The following KIF21A variants were observed in gnomAD, a reference collection of about 807,000 sequenced individuals.
The protein encoded by KIF21A is kinesin-like protein KIF21A.
A neutral mutation model predicts 202.9 loss-of-function variants in KIF21A; 114 were observed. The ratio of observed to expected loss-of-function variants is 0.56; its 90% CI spans 0.48 to 0.66. The LOEUF (loss-of-function observed/expected upper bound fraction) is 0.66, where lower values mean the gene tolerates loss of function less well. Among genes scored for constraint, KIF21A ranks in the 30% least tolerant of loss-of-function variants. The pLI, the probability that KIF21A is intolerant of heterozygous loss-of-function variation, is 0.00. For missense variants in KIF21A, 1,677 were observed against 1,994.9 expected, an observed-to-expected ratio of 0.84 and a Z score of 3.04; for synonymous variants, 667 against 670.8, an observed-to-expected ratio of 0.99 and a Z score of 0.09.
intron 29 of KIF21A, among the ~76,000 whole-genome samples, chr12:39,316,699 T>C (rs139512618): frequency 5.9e-5 from 9 of 152,106 alleles, no homozygotes; most frequent in Admixed American, 2.0e-4. Flanking sequence ...CCTGAAACAA[T>C]GTGGGAGATC....
chr12:39,340,863 A>T (rs1947384603), intron 15 of KIF21A, 43 bp downstream of exon 15: 2 of 1,371,456 alleles, frequency 1.5e-6, no homozygotes, highest in South Asian at 2.4e-5. Context: ...CCCATTTTGA[A>T]GATTTAGCTT....
intron 31 of KIF21A, chr12:39,312,872 G>T (rs888292810): frequency 6.6e-6 from 1 of 151,842 alleles, no homozygotes; most frequent in Admixed American, 6.6e-5. Flanking sequence ...AATGAATTAA[G>T]ACATGACAAA....
intron 28 of KIF21A, among the ~76,000 whole-genome samples, chr12:39,318,461 C>A (rs1457972852): frequency 6.6e-6 from 1 of 152,160 alleles, no homozygotes; most frequent in East Asian, 1.9e-4. Context: ...ATAAAGCAAG[C>A]CACATTTAAA....
In KIF21A at chr12:39,395,836, C is replaced by G. The variant is rs553806793; in HGVS notation, c.45-25575G>C. 6.3e-5 allele frequency among the ~76,000 whole-genome samples: 9 copies of G among 141,846 alleles called. No homozygotes were observed. In the East Asian group the frequency reaches 1.9e-3, roughly 30 times the overall value. 93.1% of individuals were successfully genotyped at this position (141,846 alleles called of 152,430 possible). On this transcript the variant is annotated intron_variant, in intron 1 of 37. Coordinates refer to ENST00000361418, the MANE Select transcript of KIF21A (RefSeq NM_001173464.2). ...CAGCCTGGGTGACGAGAGCGAGACT[C>G]CGTCTCAAAAAAAAAAAAAAAAAGA...
At chr12:39,335,018 A>C (rs1003431964) in intron 17 of KIF21A, among the ~76,000 whole-genome samples, 1 of 152,234 alleles carries the variant, frequency 6.6e-6, no homozygotes, top group Non-Finnish European at 1.5e-5. Flanking sequence ...ACGTCTATCA[A>C]CTGATGAATG....
chr12:39,367,331 T>C (rs1344901141), intron 4 of KIF21A, 167 bp from the exon 5 acceptor site: 6 of 661,214 alleles, frequency 9.1e-6, no homozygotes, highest in Non-Finnish European at 1.6e-5. Flanking sequence ...GACTTCTCAG[T>C]ATAATAGTGT....
chr12:39,420,238 A>G (rs1954140549), intron 1 of KIF21A, among the ~76,000 whole-genome samples: 1 of 152,128 alleles, frequency 6.6e-6, no homozygotes, highest in African/African-American at 2.4e-5. Context: ...TTGCTAAGGA[A>G]AGTTGACTAC....
chr12:39,339,408 GCTATAC>G (rs1327996121), intron 16 of KIF21A, among the ~76,000 whole-genome samples: 1 of 152,002 alleles, frequency 6.6e-6, no homozygotes, highest in Non-Finnish European at 1.5e-5. Context: ...GGAGCAACAG[GCTATAC>G]CACATAGCCT....
chr12:39,439,676 G>A (rs952046527), intron 1 of KIF21A, among the ~76,000 whole-genome samples: 12 of 152,002 alleles, frequency 7.9e-5, no homozygotes, highest in East Asian at 1.9e-4. Context: ...TAATTCAAGC[G>A]CTTAATAGCC....
rs774463961 is a variant in KIF21A, at chr12:39,340,219, A to C, written c.2256T>G (p.Tyr752Ter). Residue 752 changes from tyrosine to a stop codon, truncating the protein, a stop_gained, in exon 16 of 38, where the codon TAT (tyrosine) becomes TAG (stop). Transcript: ENST00000361418. LOFTEE classifies it high-confidence loss of function. ...HARLLKNQSQ[Y>*]EKQLKKLQQD... The stretch of plus-strand genomic sequence containing the variant: ...GCTGCAATTTCTTCAATTGCTTTTC[A>C]TACTGAGACTGATTTTTAAGCAACC... The C allele has an allele frequency of 6.2e-7, 1 of 1,612,796 alleles. No homozygotes were observed. Among genetic ancestry groups the C allele is most frequent in the Non-Finnish European group, 8.5e-7 (1 of 1,179,592 alleles).
chr12:39,309,524 TAAA>T (rs779661888), intron 33 of KIF21A, 59 bp downstream of exon 33: 1,669 of 1,036,152 alleles, frequency 1.6e-3, no homozygotes, highest in Non-Finnish European at 1.8e-3. Context: ...CTTATATTTG[TAAA>T]AAAAAAAAAA....
intron 16 of KIF21A, among the ~76,000 whole-genome samples, chr12:39,338,451 T>A (rs566770148): frequency 6.6e-6 from 1 of 152,326 alleles, no homozygotes; most frequent in South Asian, 2.1e-4. Context: ...GGAGAGTTTT[T>A]AAAATAAATT....
rs188531293 is a variant in KIF21A, at chr12:39,409,375, A to G, written c.44+33552T>C. On this transcript the variant is annotated intron_variant, in intron 1 of 37. Coordinates refer to ENST00000361418, the MANE Select transcript of KIF21A (RefSeq NM_001173464.2). ...TCTCTACAAAAATAAATAAATAAAT[A>G]AAAATTAAAAAAACAAAAAAAAAGA... is the stretch of plus-strand genomic sequence containing the variant. Among the ~76,000 whole-genome samples the G allele has an allele frequency of 5.4e-4, 79 of 147,538 alleles. No homozygotes were observed. The East Asian group carries it at 0.012, about 23-fold the overall frequency.
rs1050986652 is a variant in KIF21A, at chr12:39,328,841, G to C, written c.3340+1401C>G. ...ACTAACTCTTCTTCACTATGTTTTAGCTTAAATGTCATCTCCTCCAGAAAG... is the reference window on the plus strand; with the variant it reads ...ACTAACTCTTCTTCACTATGTTTTACCTTAAATGTCATCTCCTCCAGAAAG... On this transcript the variant is annotated intron_variant, in intron 24 of 37. Coordinates refer to ENST00000361418, the MANE Select transcript of KIF21A (RefSeq NM_001173464.2). 3.9e-5 allele frequency among the ~76,000 whole-genome samples: 6 copies of C among 152,138 alleles called. No homozygotes were observed. The East Asian group carries it at 1.2e-3, about 29-fold the overall frequency.
chr12:39,346,517 G>T lies in KIF21A; in HGVS notation c.1674-13C>A, dbSNP rs1374324529. The T allele has an allele frequency of 6.8e-7, 1 of 1,479,886 alleles. No individual in the cohort carries two copies. The highest frequency in any genetic ancestry group is 8.9e-7 in the Non-Finnish European group (1 of 1,117,854). 91.7% of individuals were successfully genotyped at this position (1,479,886 alleles called of 1,614,324 possible). On this transcript the variant is annotated splice_polypyrimidine_tract_variant and intron_variant, in intron 11 of 37. Coordinates refer to ENST00000361418, the MANE Select transcript of KIF21A (RefSeq NM_001173464.2). Reference sequence around the variant, plus strand: ...AAGTTTCTGTAGCCTTCAAAATCACGAGGCACAGTATTGGAAGGCCAAGCC... The same window carrying T: ...AAGTTTCTGTAGCCTTCAAAATCACTAGGCACAGTATTGGAAGGCCAAGCC...
chr12:39,332,146 GC>G, intron 21 of KIF21A, 67 bp downstream of exon 21: 2 of 1,419,198 alleles, frequency 1.4e-6, no homozygotes, highest in Non-Finnish European at 2.0e-6. Flanking sequence ...AACTGAAAGT[GC>G]TTTGAACAAT....
Position 39,331,802 on chromosome 12 carries a change from T to A in KIF21A, c.3052-11A>T, listed in dbSNP as rs779670789. On this transcript the variant is annotated splice_polypyrimidine_tract_variant and intron_variant, in intron 21 of 37. Coordinates refer to ENST00000361418, the MANE Select transcript of KIF21A (RefSeq NM_001173464.2). ...TGTCTCACCTTCTTCCTGTATAAAA[T>A]CAGCATAATATGATGACCATTACTT... 1.9e-6 allele frequency: 3 copies of A among 1,576,710 alleles called. No homozygotes were observed. In the African/African-American group the frequency reaches 4.0e-5, roughly 21 times the overall value.
intron 7 of KIF21A, among the ~76,000 whole-genome samples, chr12:39,361,552 C>T (rs1464572330): frequency 2.3e-5 from 3 of 132,922 alleles, no homozygotes; most frequent in African/African-American, 6.1e-5. Context: ...GACGGAGTCT[C>T]GCTCTGTCTC....
At chr12:39,412,010 A>AT (rs945953233) in intron 1 of KIF21A, among the ~76,000 whole-genome samples, 70 of 147,194 alleles carry the variant, frequency 4.8e-4, no homozygotes, top group East Asian at 8.0e-4. Flanking sequence ...AATTTTTGTA[A>AT]TTTTTTTTTT....
Sources: gnomAD v4.1 joint callset for allele counts (sites outside exome capture counted in the v4.1 genomes callset) on GRCh38, gnomAD v4.1.1 for gene constraint, MANE v1.5 for transcripts, NCBI Gene and HGNC (gene_info 2026-07-23, HGNC 2026-07-21) for gene names.